The following REDIC1 variants were observed in gnomAD, a reference collection of about 807,000 sequenced individuals.
REDIC1 encodes HEI10 Interacting Protein 1.
At chr12:39,799,402 G>A in the REDIC1 span, among the ~76,000 whole-genome samples, 1 of 151,644 alleles carries the variant, frequency 6.6e-6, no homozygotes, top group East Asian at 1.9e-4. Flanking sequence ...GAGCCACTAA[G>A]CTCAGTCTGT....
chr12:39,630,859 C>T, the REDIC1 span, among the ~76,000 whole-genome samples: 20 of 152,306 alleles, frequency 1.3e-4, no homozygotes, highest in Non-Finnish European at 2.5e-4. Flanking sequence ...GTGGGTAATA[C>T]TTAAACGTAC....
At chr12:39,896,023 C>T in the REDIC1 span, among the ~76,000 whole-genome samples, 2 of 135,606 alleles carry the variant, frequency 1.5e-5, no homozygotes, top group African/African-American at 2.9e-5. Flanking sequence ...TATATGTATA[C>T]ATACATGCAT....
the REDIC1 span, among the ~76,000 whole-genome samples, chr12:39,748,937 T>TA: frequency 6.6e-6 from 1 of 152,080 alleles, no homozygotes; most frequent in Non-Finnish European, 1.5e-5. Flanking sequence ...GAGGGAAATT[T>TA]ATAGCACTAA....
At chr12:39,722,549 A>G in the REDIC1 span, among the ~76,000 whole-genome samples, 3 of 152,194 alleles carry the variant, frequency 2.0e-5, no homozygotes, top group African/African-American at 7.2e-5. Flanking sequence ...TGACAGTAGA[A>G]TAAACTTGAG....
At chr12:39,830,212 T>A in the REDIC1 span, 1 of 1,613,102 alleles carries the variant, frequency 6.2e-7, no homozygotes, top group East Asian at 2.2e-5. Flanking sequence ...GGATCCAACA[T>A]ACATTCATTA....
the REDIC1 span, among the ~76,000 whole-genome samples, chr12:39,664,549 T>G: frequency 6.6e-6 from 1 of 152,206 alleles, no homozygotes; most frequent in Admixed American, 6.5e-5. Context: ...TGTGCATGTG[T>G]TTTTATAGCA....
At chr12:39,891,115 T>C in the REDIC1 span, among the ~76,000 whole-genome samples, 1 of 123,622 alleles carries the variant, frequency 8.1e-6, no homozygotes, top group Non-Finnish European at 1.8e-5. Context: ...AAGTTTCAAA[T>C]ATACCTTTTT....
At chr12:39,826,880 A>G in the REDIC1 span, among the ~76,000 whole-genome samples, 1 of 23,092 alleles carries the variant, frequency 4.3e-5, no homozygotes, top group Non-Finnish European at 7.7e-5. Context: ...TTTGCAATGC[A>G]AGGTTCTTTA....
At chr12:39,650,473 C>A in the REDIC1 span, 3 of 1,318,016 alleles carry the variant, frequency 2.3e-6, no homozygotes, top group East Asian at 2.9e-5. This position sits in a 1 kb window ranked among gnomAD's most constrained non-coding sequence, Gnocchi z 4.3. Flanking sequence ...CTAAGTAATA[C>A]TTCTAGAAAA....
chr12:39,809,414 G>A, the REDIC1 span, among the ~76,000 whole-genome samples: 1 of 152,130 alleles, frequency 6.6e-6, no homozygotes, highest in Non-Finnish European at 1.5e-5. Flanking sequence ...TTCAGAACGA[G>A]CTTGTCATTT....
At chr12:39,671,530 GGTT>G in the REDIC1 span, among the ~76,000 whole-genome samples, 1 of 152,288 alleles carries the variant, frequency 6.6e-6, no homozygotes, top group East Asian at 1.9e-4. Context: ...CTCAGGTTCT[GGTT>G]GTGGTAGTGG....
the REDIC1 span, among the ~76,000 whole-genome samples, chr12:39,768,316 C>T: frequency 6.6e-6 from 1 of 152,098 alleles, no homozygotes; most frequent in Non-Finnish European, 1.5e-5. Context: ...TTCATATCGG[C>T]AATAAGGCTG....
At chr12:39,854,930 C>T in the REDIC1 span, among the ~76,000 whole-genome samples, 1 of 152,184 alleles carries the variant, frequency 6.6e-6, no homozygotes, top group South Asian at 2.1e-4. Flanking sequence ...CAAGCTCCCT[C>T]CTCTGTGACG....
chr12:39,716,822 G>C, the REDIC1 span: 1 of 1,596,906 alleles, frequency 6.3e-7, no homozygotes, highest in Admixed American at 1.8e-5. Flanking sequence ...AGCTGTTTCA[G>C]TTCTAGTTCA....
the REDIC1 span, among the ~76,000 whole-genome samples, chr12:39,655,703 G>A: frequency 6.6e-6 from 1 of 152,118 alleles, no homozygotes; most frequent in African/African-American, 2.4e-5. Context: ...TCCATTACGG[G>A]GCTCTCCAAC....
the REDIC1 span, among the ~76,000 whole-genome samples, chr12:39,653,538 T>TCTTCTTCTTCTTCTTCTTCTTC: frequency 6.0e-5 from 4 of 66,688 alleles, no homozygotes; most frequent in African/African-American, 9.5e-5. Context: ...TTCTTCTTCT[T>TCTTCTTCTTCTTCTTCTTCTTC]TTTCTTCTTC....
chr12:39,655,326 A>G, the REDIC1 span, among the ~76,000 whole-genome samples: 5 of 152,028 alleles, frequency 3.3e-5, no homozygotes, highest in African/African-American at 4.8e-5. Context: ...TGCTGATTTT[A>G]TATCTTTCTC....
chr12:39,775,573 CTT>C, the REDIC1 span, among the ~76,000 whole-genome samples: 11 of 152,192 alleles, frequency 7.2e-5, no homozygotes, highest in Non-Finnish European at 1.5e-4. Context: ...CTTTGAAGTT[CTT>C]TCTCTTATTC....
At chr12:39,841,071 A>G in the REDIC1 span, among the ~76,000 whole-genome samples, 4 of 152,184 alleles carry the variant, frequency 2.6e-5, no homozygotes, top group Admixed American at 2.6e-4. Flanking sequence ...GAACTCTGTA[A>G]AAGAGTCATA....
Sources: gnomAD v4.1 joint callset for allele counts (sites outside exome capture counted in the v4.1 genomes callset) on GRCh38, gnomAD v4.1.1 for gene constraint, Gnocchi (gnomAD v3.1) non-coding constraint, MANE v1.5 for transcripts, NCBI Gene and HGNC (gene_info 2026-07-23, HGNC 2026-07-21) for gene names.